The following GPR135 variants were observed in gnomAD, a reference collection of about 807,000 sequenced individuals.
The protein encoded by GPR135 is G protein-coupled receptor 135.
In GPR135, 17 loss-of-function variants were observed where a neutral mutation model predicts 15.0. The ratio of observed to expected loss-of-function variants is 1.13; its 90% CI spans 0.78 to 1.70. The LOEUF (loss-of-function observed/expected upper bound fraction) is 1.70. Ranked by LOEUF, GPR135 falls within the 40% of genes most tolerant of loss-of-function variation. The pLI is 0.00. For missense variants in GPR135, 776 were observed against 727.0 expected (o/e 1.07, Z -0.78); for synonymous variants, 368 against 349.4 (o/e 1.05, Z -0.59).
rs761846343 is a variant in GPR135, at chr14:59,464,239, C to T, written c.988G>A (p.Ala330Thr). 31 of 1,611,486 alleles carry T rather than the reference C, an allele frequency of 1.9e-5. 1 individual carries two copies. In the South Asian group the frequency reaches 3.4e-4, roughly 18 times the overall value. ...ACGATCATGATGAGGACGGTGGTGG[C>T]CGTGCGCACCTCGCTGAAGAAGCGC... ...VLRFFSEVRT[A>T]TTVLIMIVFV... Residue 330 changes from alanine (A) to threonine (T), a missense_variant, in exon 1 of 1, where the codon GCC (alanine) becomes ACC (threonine). Ala to Thr is a moderately conservative substitution (Grantham distance 58). Transcript: ENST00000395116.
At position 59,463,789 on chromosome 14, in the gene GPR135, C is replaced by A; in HGVS notation, c.1438G>T (p.Ala480Ser). Reference sequence around the variant, plus strand: ...TCGGATTTAGGCTGTTTGGTCACTGCCGTCACCGGCTCTGGTGGTCCCTCT... The same window carrying A: ...TCGGATTTAGGCTGTTTGGTCACTGACGTCACCGGCTCTGGTGGTCCCTCT... ...CREGPPEPVT[A>S]VTKQPKSEAG... is the part of the protein sequence containing the mutation. The change falls in exon 1 of 1, where the codon GCA becomes TCA. Residue 480 changes from alanine (A) to serine (S), a missense_variant. By Grantham distance (99) the Ala-to-Ser change is moderately conservative. Coordinates refer to ENST00000395116, the MANE Select transcript of GPR135 (RefSeq NM_022571.6). 1 of 1,612,916 alleles carries A rather than the reference C, an allele frequency of 6.2e-7. No individual in the cohort carries two copies. The highest frequency in any genetic ancestry group is 8.5e-7 in the Non-Finnish European group (1 of 1,179,286).
chr14:59,454,909 G>A (rs1888603791), intron 6 of GPR135, among the ~76,000 whole-genome samples: 1 of 152,078 alleles, frequency 6.6e-6, no homozygotes, highest in African/African-American at 2.4e-5. Flanking sequence ...ACACCATCCT[G>A]GCCAACATGG....
chr14:59,464,749 C>G lies in GPR135; in HGVS notation c.478G>C (p.Ala160Pro). The G allele has an allele frequency of 6.4e-7, 1 of 1,567,160 alleles. No individual in the cohort carries two copies. The highest frequency in any genetic ancestry group is 8.6e-7 in the Non-Finnish European group (1 of 1,156,380). ...GGCGGAGTGAAGAGGTCCAGGAAGG[C>G]GGCGGGCAGGCAGAGCAGCGCCGTG... ...LLTALLCLPA[A>P]FLDLFTPPGG... The change falls in exon 1 of 1, where the codon GCC becomes CCC. Residue 160 changes from alanine to proline, a missense_variant. Coordinates refer to ENST00000395116, the MANE Select transcript of GPR135 (RefSeq NM_022571.6).
At chr14:59,455,128 A>G (rs1175716660) in intron 6 of GPR135, among the ~76,000 whole-genome samples, 1 of 151,814 alleles carries the variant, frequency 6.6e-6, no homozygotes, top group African/African-American at 2.4e-5. Flanking sequence ...GAGAATTTAG[A>G]TGTAAATAGA....
downstream of GPR135, among the ~76,000 whole-genome samples, chr14:59,456,133 G>C (rs1026819955): frequency 1.3e-5 from 2 of 152,124 alleles, no homozygotes; most frequent in African/African-American, 4.8e-5. Context: ...TGCAAGTCCA[G>C]GATGGAGGCC....
At position 59,464,477 on chromosome 14, in the gene GPR135, G is replaced by C; in HGVS notation, c.750C>G (p.Pro250=). ...FSLPWELLGA[P]RELAAAQSFH... is the part of the protein sequence containing the mutation. ...AGCTCTGCGCCGCCGCGAGTTCCCG[G>C]GGCGCCCCGAGCAGCTCCCAGGGCA... Residue 250 remains proline (P), a synonymous_variant, in exon 1 of 1, where the codon CCC becomes CCG. Coordinates refer to ENST00000395116, the MANE Select transcript of GPR135 (RefSeq NM_022571.6). 1 of 1,544,832 alleles carries C rather than the reference G, an allele frequency of 6.5e-7. No individual in the cohort carries two copies. The highest frequency in any genetic ancestry group is 8.7e-7 in the Non-Finnish European group (1 of 1,150,612).
intron 6 of GPR135, among the ~76,000 whole-genome samples, chr14:59,452,924 A>C (rs962085723): frequency 2.0e-5 from 3 of 152,216 alleles, no homozygotes; most frequent in African/African-American, 7.2e-5. Flanking sequence ...TTTAGCCATG[A>C]AAAGCTATGG....
At position 59,461,275 on chromosome 14, in the gene GPR135, T is replaced by G. The variant is rs1005767176; in HGVS notation, c.*2467A>C. The G allele has an allele frequency of 6.6e-6, 1 of 152,202 alleles. No homozygotes were observed. Among genetic ancestry groups the G allele is most frequent in the African/African-American group, 2.4e-5 (1 of 41,440 alleles). The allele number at this position is 152,202 out of a possible 1,614,324, so 9.4% of individuals were successfully genotyped here. A position where few individuals can be genotyped will look rare whatever the true frequency, so the allele number is the denominator to read the frequency against. ...TGATTGATTTCCTTACCTGTAGACT[T>G]CTGTGGGGATAGAGAGAAACAAACA... is the stretch of plus-strand genomic sequence containing the variant. On this transcript the variant is annotated 3_prime_UTR_variant, in exon 1 of 1. Coordinates refer to ENST00000395116, the MANE Select transcript of GPR135 (RefSeq NM_022571.6).
In GPR135 at chr14:59,464,421, T is replaced by C; in HGVS notation, c.806A>G (p.Asp269Gly). 1 of 1,579,544 alleles carries C rather than the reference T, an allele frequency of 6.3e-7. No homozygotes were observed. The part of the protein sequence containing the change: ...FHGCLYRTSP[D>G]PAQLGAAFSV... ...GAAGGCCGCGCCCAGCTGCGCGGGG[T>C]CCGGGGAGGTCCGGTAGAGGCAGCC... The change falls in exon 1 of 1, where the codon GAC becomes GGC. Residue 269 changes from aspartate to glycine, a missense_variant. Asp to Gly is a moderately conservative substitution (Grantham distance 94, BLOSUM62 -1). Transcript: ENST00000395116.
In GPR135 at chr14:59,460,875, A is replaced by G. The variant is rs1888832137; in HGVS notation, c.*2867T>C. On this transcript the variant is annotated 3_prime_UTR_variant, in exon 1 of 1. Transcript: ENST00000395116. ...TCATAGTAAGCACAACGAAAGGTCGAAGTCTTAGATTATTTTGAGAATCAT... is the reference window on the plus strand; with the variant it reads ...TCATAGTAAGCACAACGAAAGGTCGGAGTCTTAGATTATTTTGAGAATCAT... 1 of 152,234 alleles carries G rather than the reference A, an allele frequency of 6.6e-6. No homozygotes were observed. Among genetic ancestry groups the G allele is most frequent in the East Asian group, 1.9e-4 (1 of 5,202 alleles). 9.4% of individuals were successfully genotyped at this position (152,234 alleles called of 1,614,324 possible).
At chr14:59,453,210 C>T (rs1288888002) in intron 6 of GPR135, among the ~76,000 whole-genome samples, 1 of 152,070 alleles carries the variant, frequency 6.6e-6, no homozygotes. Flanking sequence ...AGTGAATGAA[C>T]CCTAATGTAA....
downstream of GPR135, among the ~76,000 whole-genome samples, chr14:59,457,588 C>T (rs530049681): frequency 1.4e-4 from 21 of 152,216 alleles, no homozygotes; most frequent in Non-Finnish European, 2.6e-4. Flanking sequence ...TCTGCCAGTT[C>T]AAATTTACTG....
chr14:59,456,270 T>G (rs1236761566), downstream of GPR135, among the ~76,000 whole-genome samples: 1 of 152,122 alleles, frequency 6.6e-6, no homozygotes, highest in East Asian at 1.9e-4. Flanking sequence ...CAGCTCACAC[T>G]TAAGGGGAAA....
At chr14:59,453,419 A>G (rs902584632) in intron 6 of GPR135, among the ~76,000 whole-genome samples, 26 of 152,222 alleles carry the variant, frequency 1.7e-4, no homozygotes, top group Non-Finnish European at 2.9e-4. Context: ...ACTAAAAAAA[A>G]GTTGAAAAGA....
At chr14:59,457,701 T>C (rs1403642286), downstream of GPR135, among the ~76,000 whole-genome samples, 6 of 152,196 alleles carry the variant, frequency 3.9e-5, no homozygotes, top group African/African-American at 1.4e-4. Context: ...TTAATCTCTA[T>C]TGATGAGACA....
rs1888913629 is a variant in GPR135 at position 59,462,760 on chromosome 14, G to A, written c.*982C>T. Reference sequence around the variant, plus strand: ...AAACCCAACCTTGTTGTTTTATAGAGGTCTCATTTTAAAAAATAATAAAAA... The same window carrying A: ...AAACCCAACCTTGTTGTTTTATAGAAGTCTCATTTTAAAAAATAATAAAAA... On this transcript the variant is annotated 3_prime_UTR_variant, in exon 1 of 1. Coordinates refer to ENST00000395116, the MANE Select transcript of GPR135 (RefSeq NM_022571.6). 6.6e-6 allele frequency: 1 copy of A among 152,032 alleles called. No homozygotes were observed. Among genetic ancestry groups the A allele is most frequent in the South Asian group, 2.1e-4 (1 of 4,816 alleles). The allele number at this position is 152,032 out of a possible 1,614,324, so 9.4% of individuals were successfully genotyped here. A position where few individuals can be genotyped will look rare whatever the true frequency, so the allele number is the denominator to read the frequency against.
In GPR135 at chr14:59,463,650, C is replaced by T. The variant is rs777589969; in HGVS notation, c.*92G>A. The T allele has an allele frequency of 1.6e-6, 2 of 1,257,232 alleles. No homozygotes were observed. The highest frequency in any genetic ancestry group is 2.2e-6 in the Non-Finnish European group (2 of 917,146). The allele number at this position is 1,257,232 out of a possible 1,614,324, so 77.9% of individuals were successfully genotyped here. ...CCCGTCTCTAGCTTTAAATGTTTGG[C>T]TTTATGAAATCCACAACTCTCCCCC... On this transcript the variant is annotated 3_prime_UTR_variant, in exon 1 of 1. Transcript: ENST00000395116.
rs76859844 is a variant in GPR135, at chr14:59,464,655, C to T, written c.572G>A (p.Ser191Asn). The T allele has an allele frequency of 1.2e-3, 1,894 of 1,596,172 alleles. 34 individuals are homozygous for T. In the East Asian group the frequency reaches 0.038, roughly 32 times the overall value. ...RGFCAASRFF[S>N]SCFGIVSTLS... ...CGTGGACACGATGCCGAAGCACGAG[C>T]TGAAGAAGCGGCTGGCGGCGCAGAA... Residue 191 changes from serine to asparagine, a missense_variant, in exon 1 of 1, where the codon AGC becomes AAC. Coordinates refer to ENST00000395116, the MANE Select transcript of GPR135 (RefSeq NM_022571.6).
downstream of GPR135, among the ~76,000 whole-genome samples, chr14:59,457,414 T>C (rs998837122): frequency 3.3e-5 from 5 of 152,166 alleles, no homozygotes; most frequent in African/African-American, 1.2e-4. Context: ...TTTTCTGCTC[T>C]TTTTTCTCTT....
Sources: allele counts gnomAD v4.1 joint callset (sites outside exome capture counted in the v4.1 genomes callset), GRCh38; gene constraint gnomAD v4.1.1; transcripts MANE v1.5; gene names NCBI Gene and HGNC (gene_info 2026-07-23, HGNC 2026-07-21).